SCARB2: variants seen among roughly 807,000 people sequenced by gnomAD.
SCARB2 encodes scavenger receptor class B member 2.
In SCARB2, 29 loss-of-function variants were observed where a neutral mutation model predicts 58.6. That is an observed-to-expected ratio of 0.49 (90% CI 0.37 to 0.67). The LOEUF (loss-of-function observed/expected upper bound fraction) is 0.67. Among genes scored for constraint, SCARB2 ranks in the 30% least tolerant of loss-of-function variants. The pLI, the probability that SCARB2 is intolerant of heterozygous loss-of-function variation, is 0.00. For missense variants in SCARB2, 488 were observed against 578.5 expected (o/e 0.84, Z 1.60); for synonymous variants, 195 against 210.1 (o/e 0.93, Z 0.62).
At position 76,213,634 on chromosome 4, in the gene SCARB2, C is replaced by G; in HGVS notation, c.-91G>C. ...AGCCGCCGCAGAGGCGTCGAAGACC[C>G]GGGACCCTTCGGCGCCACGCCCACG... On this transcript the variant is annotated 5_prime_UTR_variant, in exon 1 of 12. Transcript: ENST00000264896. 1.0e-6 allele frequency: 1 copy of G among 975,596 alleles called. No homozygotes were observed. Among genetic ancestry groups the G allele is most frequent in the Non-Finnish European group, 1.6e-6 (1 of 629,884 alleles). 60.4% of individuals were successfully genotyped at this position (975,596 alleles called of 1,614,324 possible). A position where few individuals can be genotyped will look rare whatever the true frequency, so the allele number is the denominator to read the frequency against.
intron 1 of SCARB2, among the ~76,000 whole-genome samples, chr4:76,199,325 A>G (rs922886089): frequency 3.9e-5 from 6 of 152,268 alleles, no homozygotes; most frequent in African/African-American, 1.4e-4. Flanking sequence ...ACCCAGTTAA[A>G]TTTGTATTTC....
chr4:76,213,299 G>C (rs180916045), intron 1 of SCARB2, 128 bp downstream of exon 1: 13 of 733,302 alleles, frequency 1.8e-5, no homozygotes, highest in Middle Eastern at 2.3e-4. Flanking sequence ...GGAAGACAGG[G>C]ACGCAAGAAG....
chr4:76,196,806 A>G (rs989415716), intron 1 of SCARB2, among the ~76,000 whole-genome samples: 2 of 152,328 alleles, frequency 1.3e-5, no homozygotes, highest in Admixed American at 1.3e-4. Context: ...TCCCTCCTGC[A>G]CTTTCCACCC....
In SCARB2 at chr4:76,159,121, T is replaced by C. The variant is rs1219978966; in HGVS notation, c.*2592A>G. On this transcript the variant is annotated 3_prime_UTR_variant, in exon 12 of 12. Coordinates refer to ENST00000264896, the MANE Select transcript of SCARB2 (RefSeq NM_005506.4). ...GCCCATTTCCTGTCCTGTGCTCAAC[T>C]CCTAATTTTCCCTGAGAGAAGTGAG... 6.6e-6 allele frequency: 1 copy of C among 152,174 alleles called. No individual in the cohort carries two copies. Among genetic ancestry groups the C allele is most frequent in the African/African-American group, 2.4e-5 (1 of 41,426 alleles). The allele number at this position is 152,174 out of a possible 1,614,324, so 9.4% of individuals were successfully genotyped here.
At chr4:76,166,342 A>G (rs1244856164) in intron 9 of SCARB2, 41 bp from the exon 10 acceptor site, 1 of 1,577,176 alleles carries the variant, frequency 6.3e-7, no homozygotes, top group East Asian at 2.2e-5. Context: ...AAACATCCTC[A>G]TCACAATGGC....
chr4:76,198,108 G>A (rs1732752194), intron 1 of SCARB2, among the ~76,000 whole-genome samples: 1 of 152,156 alleles, frequency 6.6e-6, no homozygotes, highest in South Asian at 2.1e-4. Flanking sequence ...CGACTCCACC[G>A]CACTTCTCTT....
chr4:76,197,484 AG>A (rs112664986), intron 1 of SCARB2, among the ~76,000 whole-genome samples: 27 of 152,312 alleles, frequency 1.8e-4, no homozygotes, highest in African/African-American at 6.3e-4. Context: ...AGAAGCCTGG[AG>A]TCCAGCCTCG....
At chr4:76,226,838 ATCTT>A (rs1480489339) in intron 1 of SCARB2, among the ~76,000 whole-genome samples, 1 of 152,106 alleles carries the variant, frequency 6.6e-6, no homozygotes, top group Non-Finnish European at 1.5e-5. Context: ...ACCTTAAATG[ATCTT>A]TTGTATTTCT....
At position 76,161,688 on chromosome 4, in the gene SCARB2, T is replaced by C. The variant is rs1390631626; in HGVS notation, c.*25A>G. On this transcript the variant is annotated 3_prime_UTR_variant, in exon 12 of 12. Coordinates refer to ENST00000264896, the MANE Select transcript of SCARB2 (RefSeq NM_005506.4). ...GTCCAGGTCAGGACAGCTCACACAG[T>C]TTCTTCACCAAGCAAAGGCAATGTT... The C allele has an allele frequency of 1.9e-6, 3 of 1,613,716 alleles. No individual in the cohort carries two copies. The highest frequency in any genetic ancestry group is 1.6e-4 in the Middle Eastern group (1 of 6,062).
chr4:76,160,287 T>G lies in SCARB2; in HGVS notation c.*1426A>C, dbSNP rs948038804. On this transcript the variant is annotated 3_prime_UTR_variant, in exon 12 of 12. Coordinates refer to ENST00000264896, the MANE Select transcript of SCARB2 (RefSeq NM_005506.4). Reference sequence around the variant, plus strand: ...AAAAAATCCTTTTGAATGGTTCAGTTGTTAAGAAATTCTATAAGCACTTTG... The same window carrying G: ...AAAAAATCCTTTTGAATGGTTCAGTGGTTAAGAAATTCTATAAGCACTTTG... 2.6e-5 allele frequency: 4 copies of G among 152,248 alleles called. No individual in the cohort carries two copies. Among genetic ancestry groups the G allele is most frequent in the Non-Finnish European group, 5.9e-5 (4 of 68,044 alleles). 9.4% of individuals were successfully genotyped at this position (152,248 alleles called of 1,614,324 possible).
chr4:76,165,668 C>G (rs952074716), intron 10 of SCARB2: 2 of 151,870 alleles, frequency 1.3e-5, no homozygotes, highest in Admixed American at 1.3e-4. Context: ...CTCTGTTATT[C>G]AATATTCTAC....
At chr4:76,163,535 C>A in intron 10 of SCARB2, 152 bp from the exon 11 acceptor site, 1 of 743,912 alleles carries the variant, frequency 1.3e-6, no homozygotes, top group South Asian at 1.6e-5. Flanking sequence ...TCAGAGTAAT[C>A]AGAAGGGACA....
intron 2 of SCARB2, chr4:76,193,893 CA>C (rs1432721181): frequency 5.9e-5 from 9 of 152,258 alleles, no homozygotes; most frequent in African/African-American, 2.2e-4. Flanking sequence ...ATTTGGAGGC[CA>C]GGGGTGGAAT....
chr4:76,165,638 T>G (rs947016064), intron 10 of SCARB2: 20 of 152,284 alleles, frequency 1.3e-4, no homozygotes, highest in African/African-American at 4.8e-4. Context: ...GTGATTTTAA[T>G]TTTTCTTTTT....
At chr4:76,213,347 T>C in intron 1 of SCARB2, 80 bp downstream of exon 1, 3 of 981,638 alleles carry the variant, frequency 3.1e-6, no homozygotes, top group Non-Finnish European at 4.9e-6. Flanking sequence ...TGCTGGTCTT[T>C]CCCATACAAG....
intron 2 of SCARB2, among the ~76,000 whole-genome samples, chr4:76,188,951 T>G (rs1227776820): frequency 6.6e-6 from 1 of 152,192 alleles, no homozygotes; most frequent in East Asian, 1.9e-4. Flanking sequence ...TGAACCTATA[T>G]TTGGGTTTCC....
In SCARB2 at chr4:76,160,073, A is replaced by G. The variant is rs950844950; in HGVS notation, c.*1640T>C. 1 of 152,184 alleles carries G rather than the reference A, an allele frequency of 6.6e-6. No homozygotes were observed. Among genetic ancestry groups the G allele is most frequent in the African/African-American group, 2.4e-5 (1 of 41,432 alleles). 9.4% of individuals were successfully genotyped at this position (152,184 alleles called of 1,614,324 possible). ...TATCTAAAGGTTCTATCTTGATTCT[A>G]TAGAAAATTTGAGAGTTTAATGAAT... is the stretch of plus-strand genomic sequence containing the variant. On this transcript the variant is annotated 3_prime_UTR_variant, in exon 12 of 12. Coordinates refer to ENST00000264896, the MANE Select transcript of SCARB2 (RefSeq NM_005506.4).
At chr4:76,212,095 TAAG>T (rs1186286713) in intron 1 of SCARB2, among the ~76,000 whole-genome samples, 4 of 152,134 alleles carry the variant, frequency 2.6e-5, no homozygotes, top group Non-Finnish European at 5.9e-5. Flanking sequence ...CAAGGCCATA[TAAG>T]AAAACTCACA....
chr4:76,169,201 G>C (rs182858928), intron 8 of SCARB2, among the ~76,000 whole-genome samples: 1 of 151,856 alleles, frequency 6.6e-6, no homozygotes. Flanking sequence ...TGTGCTAAAA[G>C]AATGTTCTTG....
Sources: allele counts gnomAD v4.1 joint callset (sites outside exome capture counted in the v4.1 genomes callset), GRCh38; gene constraint gnomAD v4.1.1; transcripts MANE v1.5; gene names NCBI Gene and HGNC (gene_info 2026-07-23, HGNC 2026-07-21).